VEGFC: variants seen among roughly 807,000 people sequenced by gnomAD.
The protein encoded by VEGFC is vascular endothelial growth factor C.
A neutral mutation model predicts 46.1 loss-of-function variants in VEGFC; 12 were observed. That is an observed-to-expected ratio of 0.26 (90% CI 0.17 to 0.42). The LOEUF is 0.42. Ranked by LOEUF, VEGFC falls within the 10% of genes least tolerant of loss-of-function variation. VEGFC has a pLI of 1.00. For synonymous variants in VEGFC, 232 were observed against 195.5 expected (o/e 1.19, Z -1.56); for missense variants, 488 against 529.4 (o/e 0.92, Z 0.77).
chr4:176,768,513 T>TATATATATATATATATATATA (rs58971102), intron 1 of VEGFC, among the ~76,000 whole-genome samples: 160 of 143,564 alleles, frequency 1.1e-3, no homozygotes, highest in East Asian at 1.7e-3. Flanking sequence ...TATATATATA[T>TATATATATATATATATATATA]TTCAAATTTT....
intron 4 of VEGFC, among the ~76,000 whole-genome samples, chr4:176,693,185 C>A (rs1490108033): frequency 6.6e-6 from 1 of 151,210 alleles, no homozygotes; most frequent in African/African-American, 2.4e-5. Flanking sequence ...CTCTGAGCTA[C>A]AGGAGGACAT....
chr4:176,707,711 C>A (rs1734557585), intron 4 of VEGFC, among the ~76,000 whole-genome samples: 1 of 151,994 alleles, frequency 6.6e-6, no homozygotes, highest in Non-Finnish European at 1.5e-5. Flanking sequence ...GTTTTATTGG[C>A]CATTACATGA....
chr4:176,733,434 A>T (rs1410925361), intron 1 of VEGFC, among the ~76,000 whole-genome samples: 2 of 151,958 alleles, frequency 1.3e-5, no homozygotes, highest in Non-Finnish European at 2.9e-5. Flanking sequence ...TGAAAAGAAG[A>T]CTACTACTGA....
At chr4:176,762,694 ATG>A (rs1228152015) in intron 1 of VEGFC, among the ~76,000 whole-genome samples, 2 of 152,180 alleles carry the variant, frequency 1.3e-5, no homozygotes, top group Admixed American at 1.3e-4. Context: ...GTTTAAACAT[ATG>A]TGTGTCTGCA....
chr4:176,765,607 G>A lies in VEGFC; in HGVS notation c.147+26558C>T, dbSNP rs896413576. Among the ~76,000 whole-genome samples, 5 of 145,754 alleles carry A rather than the reference G, an allele frequency of 3.4e-5. No homozygotes were observed. In the Admixed American group the frequency reaches 3.5e-4, roughly 10 times the overall value. On this transcript the variant is annotated intron_variant, in intron 1 of 6. Transcript: ENST00000618562. ...GTCTCGCTCTGTCGCCCAGGCTGGA[G>A]TGCAGTGGCGTGATCTCGGCTCACT...
chr4:176,692,881 C>G (rs1398762611), intron 4 of VEGFC, among the ~76,000 whole-genome samples: 10 of 146,474 alleles, frequency 6.8e-5, no homozygotes, highest in Admixed American at 6.7e-5. Context: ...ACACCTCACA[C>G]AGCAGGGTAT....
intron 4 of VEGFC, among the ~76,000 whole-genome samples, chr4:176,690,227 A>G (rs1201625652): frequency 6.6e-6 from 1 of 151,896 alleles, no homozygotes; most frequent in Non-Finnish European, 1.5e-5. Context: ...ATGTACTTCT[A>G]TGTTCTTACT....
At chr4:176,713,371 C>T (rs1315455748) in intron 3 of VEGFC, among the ~76,000 whole-genome samples, 1 of 152,132 alleles carries the variant, frequency 6.6e-6, no homozygotes, top group Non-Finnish European at 1.5e-5. Context: ...TCTTCATAAG[C>T]TACAATTTTT....
At chr4:176,747,883 C>T (rs1735283343) in intron 1 of VEGFC, among the ~76,000 whole-genome samples, 1 of 151,938 alleles carries the variant, frequency 6.6e-6, no homozygotes, top group Admixed American at 6.6e-5. Flanking sequence ...AGGAAGCTGG[C>T]TTGGGGCAAA....
Position 176,792,177 on chromosome 4 carries a change from C to G in VEGFC, c.135G>C (p.Ala45=). The G allele has an allele frequency of 6.6e-7, 1 of 1,514,414 alleles. No homozygotes were observed. Among genetic ancestry groups the G allele is most frequent in the East Asian group, 2.6e-5 (1 of 38,546 alleles). The allele number at this position is 1,514,414 out of a possible 1,614,324, so 93.8% of individuals were successfully genotyped here. Reference sequence around the variant, plus strand: ...AACGCAGACCTACCGTGGCCTCGCCCGCGTCGGGCTCCGCGTCCGAGAGGT... The same window carrying G: ...AACGCAGACCTACCGTGGCCTCGCCGGCGTCGGGCTCCGCGTCCGAGAGGT... ...GLDLSDAEPD[A]GEATAYASKD... Residue 45 remains alanine, a synonymous_variant, in exon 1 of 7, where the codon GCG becomes GCC. Transcript: ENST00000618562. This position sits in a 1 kb window ranked among gnomAD's most constrained non-coding sequence, Gnocchi z 6.3.
At chr4:176,716,943 A>G (rs549421010) in intron 3 of VEGFC, among the ~76,000 whole-genome samples, 5 of 152,320 alleles carry the variant, frequency 3.3e-5, no homozygotes, top group African/African-American at 9.6e-5. Flanking sequence ...ATTTAAGTTC[A>G]TAGCACATAA....
At chr4:176,726,296 C>T (rs756220162) in intron 3 of VEGFC, among the ~76,000 whole-genome samples, 1 of 152,028 alleles carries the variant, frequency 6.6e-6, no homozygotes, top group South Asian at 2.1e-4. Flanking sequence ...CATGTTGGAA[C>T]GACCCCTACA....
chr4:176,773,610 G>A (rs939636162), intron 1 of VEGFC, among the ~76,000 whole-genome samples: 4 of 152,094 alleles, frequency 2.6e-5, no homozygotes, highest in Non-Finnish European at 5.9e-5. Context: ...AAAAGTGAAG[G>A]CAAATAGTAG....
chr4:176,729,817 G>A (rs577781191), intron 1 of VEGFC, 71 bp from the exon 2 acceptor site: 36 of 1,274,706 alleles, frequency 2.8e-5, no homozygotes, highest in South Asian at 5.3e-5. Context: ...ACTATAAAAC[G>A]GTTAGGTTTA....
chr4:176,753,848 T>A (rs1234102760), intron 1 of VEGFC, among the ~76,000 whole-genome samples: 1 of 152,052 alleles, frequency 6.6e-6, no homozygotes, highest in Non-Finnish European at 1.5e-5. Context: ...TTGACTAGGA[T>A]TATGTGGTTT....
intron 1 of VEGFC, among the ~76,000 whole-genome samples, chr4:176,748,030 GGC>G (rs1333683975): frequency 7.9e-5 from 12 of 151,576 alleles, no homozygotes; most frequent in African/African-American, 2.7e-4. Flanking sequence ...GATTAGCAAG[GGC>G]TTTTAAAATA....
rs765042630 is a variant in VEGFC at position 176,792,230 on chromosome 4, C to G, written c.82G>C (p.Ala28Pro). ...AGTCCGGACTCGAAGGCGGCGGCGG[C>G]GGCGGGCGCCTCGCGAGGACCCGGG... ...LLPGPREAPA[A>P]AAAFESGLDL... The change falls in exon 1 of 7, where the codon GCC becomes CCC. Residue 28 changes from alanine to proline, a missense_variant. Coordinates refer to ENST00000618562, the MANE Select transcript of VEGFC (RefSeq NM_005429.5). The surrounding 1 kb of genome is among the most constrained non-coding windows in gnomAD (Gnocchi z 6.3). 9 of 1,555,672 alleles carry G rather than the reference C, an allele frequency of 5.8e-6. No homozygotes were observed. Among genetic ancestry groups the G allele is most frequent in the African/African-American group, 1.4e-5 (1 of 70,468 alleles).
intron 1 of VEGFC, among the ~76,000 whole-genome samples, chr4:176,775,929 A>C (rs773909868): frequency 1.4e-4 from 21 of 152,186 alleles, no homozygotes; most frequent in Non-Finnish European, 2.6e-4. Context: ...TTACCAAAAA[A>C]AAAAGAACCT....
chr4:176,768,110 T>G (rs1442929102), intron 1 of VEGFC, among the ~76,000 whole-genome samples: 2 of 152,164 alleles, frequency 1.3e-5, no homozygotes, highest in Admixed American at 1.3e-4. Flanking sequence ...AGAGCAAATT[T>G]GATCAGAAAC....
Sources: allele counts gnomAD v4.1 joint callset (sites outside exome capture counted in the v4.1 genomes callset), GRCh38; gene constraint gnomAD v4.1.1; non-coding constraint Gnocchi (gnomAD v3.1); transcripts MANE v1.5; gene names NCBI Gene and HGNC (gene_info 2026-07-23, HGNC 2026-07-21).